The following PHACTR2 variants were observed in gnomAD, a reference collection of about 807,000 sequenced individuals.
PHACTR2 encodes phosphatase and actin regulator 2, also known as chromosome 6 open reading frame 56.
In PHACTR2, 30 loss-of-function variants were observed where a neutral mutation model predicts 76.0. The ratio of observed to expected loss-of-function variants is 0.39; its 90% CI spans 0.30 to 0.54. The LOEUF is 0.54. Ranked by LOEUF, PHACTR2 falls within the 20% of genes least tolerant of loss-of-function variation. The pLI, the probability that PHACTR2 is intolerant of heterozygous loss-of-function variation, is 0.61. For synonymous variants in PHACTR2, 292 were observed against 292.5 expected (o/e 1.00, Z 0.02); for missense variants, 696 against 781.1 (o/e 0.89, Z 1.30).
At chr6:143,651,651 A>G (rs1776766472) in intron 1 of PHACTR2, among the ~76,000 whole-genome samples, 1 of 152,066 alleles carries the variant, frequency 6.6e-6, no homozygotes, top group African/African-American at 2.4e-5. Flanking sequence ...GAACACATGG[A>G]CACATGGCAG....
At chr6:143,749,310 C>T (rs1410902276) in intron 3 of PHACTR2, among the ~76,000 whole-genome samples, 1 of 152,174 alleles carries the variant, frequency 6.6e-6, no homozygotes, top group Non-Finnish European at 1.5e-5. Context: ...TAAAACTCTG[C>T]AAAGGTACAT....
Position 143,816,642 on chromosome 6 carries a change from A to C in PHACTR2, c.1923-7032A>C, listed in dbSNP as rs969789926. ...CCTTCCAATGCAATCTAGACTGTGG[A>C]ACTCACTGTGTACTGCGATCCATGG... On this transcript the variant is annotated intron_variant, in intron 12 of 12. Transcript: ENST00000440869. The surrounding 1 kb of genome is among the most constrained non-coding windows in gnomAD (Gnocchi z 4.5). 6.6e-6 allele frequency among the ~76,000 whole-genome samples: 1 copy of C among 152,066 alleles called. No homozygotes were observed. The highest frequency in any genetic ancestry group is 6.6e-5 in the Admixed American group (1 of 15,266).
chr6:143,771,190 GTGTGTATATATATATA>G (rs1775115217), intron 6 of PHACTR2, among the ~76,000 whole-genome samples: 1 of 22,452 alleles, frequency 4.5e-5, no homozygotes, highest in Non-Finnish European at 7.0e-5. Flanking sequence ...ATATATATAT[GTGTGTATATATATATA>G]TATATATATA....
At position 143,731,909 on chromosome 6, in the gene PHACTR2, A is replaced by T. The variant is rs865955770; in HGVS notation, c.215-17076A>T. On this transcript the variant is annotated intron_variant, in intron 2 of 12. Coordinates refer to ENST00000440869, the MANE Select transcript of PHACTR2 (RefSeq NM_001100164.2). The surrounding 1 kb of genome is among the most constrained non-coding windows in gnomAD (Gnocchi z 4.9). ...CAATTTCTTTTATAGTTATAGGACC[A>T]TTCAGGTGATCTCTTTTAACTTGGG... Among the ~76,000 whole-genome samples the T allele has an allele frequency of 6.6e-6, 1 of 152,202 alleles. No homozygotes were observed.
At chr6:143,768,823 G>T (rs1183079788) in intron 6 of PHACTR2, among the ~76,000 whole-genome samples, 7 of 152,152 alleles carry the variant, frequency 4.6e-5, no homozygotes, top group Admixed American at 4.6e-4. Flanking sequence ...TGCTTTCCTA[G>T]AAGAGGCCAT....
In PHACTR2 at chr6:143,537,199, C is replaced by A; in HGVS notation, c.209C>A (p.Ser70Tyr). Residue 70 changes from serine (S) to tyrosine (Y), a missense_variant, in exon 1 of 12, where the codon TCC becomes TAC. Transcript: ENST00000367584. The surrounding 1 kb of genome is among the most constrained non-coding windows in gnomAD (Gnocchi z 4.4). ...GGCCGCCCGCTCCGGGTCCACATCTCCGGCTCAGGTAAGAGCGGCTCGGGG... is the reference window on the plus strand; with the variant it reads ...GGCCGCCCGCTCCGGGTCCACATCTACGGCTCAGGTAAGAGCGGCTCGGGG... 1 of 288,802 alleles carries A rather than the reference C, an allele frequency of 3.5e-6. No homozygotes were observed. The highest frequency in any genetic ancestry group is 6.7e-6 in the Non-Finnish European group (1 of 148,152). 17.9% of individuals were successfully genotyped at this position (288,802 alleles called of 1,614,324 possible). A position where few individuals can be genotyped will look rare whatever the true frequency, so the allele number is the denominator to read the frequency against.
intron 11 of PHACTR2, among the ~76,000 whole-genome samples, chr6:143,799,484 T>C (rs1192660316): frequency 6.6e-6 from 1 of 152,262 alleles, no homozygotes; most frequent in African/African-American, 2.4e-5. Flanking sequence ...TGTTAGGGTG[T>C]CGATTTTAGA....
At position 143,764,250 on chromosome 6, in the gene PHACTR2, C is replaced by T. The variant is rs1779503230; in HGVS notation, c.695-1011C>T. Among the ~76,000 whole-genome samples, 2 of 152,108 alleles carry T rather than the reference C, an allele frequency of 1.3e-5. No homozygotes were observed. The highest frequency in any genetic ancestry group is 2.9e-5 in the Non-Finnish European group (2 of 68,022). On this transcript the variant is annotated intron_variant, in intron 5 of 12. Transcript: ENST00000440869. The surrounding 1 kb of genome is among the most constrained non-coding windows in gnomAD (Gnocchi z 4.7). Reference sequence around the variant, plus strand: ...GACACGGTGGCTCACACCTGTAATTCTTTGGAGCCACCAAAGCCTCTCACT... The same window carrying T: ...GACACGGTGGCTCACACCTGTAATTTTTTGGAGCCACCAAAGCCTCTCACT...
Position 143,537,080 on chromosome 6 carries a change from C to A in PHACTR2, c.90C>A (p.Pro30=), listed in dbSNP as rs2128425895. 2 of 206,464 alleles carry A rather than the reference C, an allele frequency of 9.7e-6. No homozygotes were observed. Among genetic ancestry groups the A allele is most frequent in the East Asian group, 1.2e-4 (1 of 8,584 alleles). 12.8% of individuals were successfully genotyped at this position (206,464 alleles called of 1,614,324 possible). Residue 30 remains proline (P), a synonymous_variant, in exon 1 of 12, where the codon CCC becomes CCA. Coordinates refer to the PHACTR2 transcript ENST00000367584. The surrounding 1 kb of genome is among the most constrained non-coding windows in gnomAD (Gnocchi z 4.4). ...TCCCAGTCCCCGAGCCCGAGGCGCC[C>A]GCCCCGCCGGCGGCGCCTGCCCTGC...
chr6:143,707,718 ATG>A (rs1383272053), intron 1 of PHACTR2, among the ~76,000 whole-genome samples: 1 of 152,204 alleles, frequency 6.6e-6, no homozygotes, highest in Admixed American at 6.5e-5. Flanking sequence ...TTTATTTCAT[ATG>A]TATATTAGTC....
chr6:143,631,365 A>C (rs1263794292), intron 1 of PHACTR2, among the ~76,000 whole-genome samples: 2 of 151,982 alleles, frequency 1.3e-5, no homozygotes, highest in East Asian at 1.9e-4. Context: ...TAATTTAAAA[A>C]AAATTTTTTT....
intron 2 of PHACTR2, among the ~76,000 whole-genome samples, chr6:143,718,075 T>G (rs558853473): frequency 6.6e-6 from 1 of 152,338 alleles, no homozygotes; most frequent in African/African-American, 2.4e-5. Flanking sequence ...CAACTTATCT[T>G]CAATAAAATG....
At chr6:143,714,126 A>G (rs1158125320) in intron 2 of PHACTR2, among the ~76,000 whole-genome samples, 1 of 152,226 alleles carries the variant, frequency 6.6e-6, no homozygotes, top group Non-Finnish European at 1.5e-5. Flanking sequence ...TCTTTAAAAA[A>G]TTATCTCAAG....
chr6:143,731,168 A>T lies in PHACTR2; in HGVS notation c.215-17817A>T, dbSNP rs1170651842. Among the ~76,000 whole-genome samples the T allele has an allele frequency of 6.6e-6, 1 of 152,214 alleles. No individual in the cohort carries two copies. Among genetic ancestry groups the T allele is most frequent in the Non-Finnish European group, 1.5e-5 (1 of 68,046 alleles). ...TTTCTCAAACGCATTTTTCTGGATC[A>T]ATTGATATGGTCATTTCAGTTTTTT... On this transcript the variant is annotated intron_variant, in intron 2 of 12. Transcript: ENST00000440869. The surrounding 1 kb of genome is among the most constrained non-coding windows in gnomAD (Gnocchi z 4.9).
rs1776818787 is a variant in PHACTR2 at position 143,654,681 on chromosome 6, G to A, written c.13+46359G>A. 6.6e-6 allele frequency among the ~76,000 whole-genome samples: 1 copy of A among 152,218 alleles called. No individual in the cohort carries two copies. Among genetic ancestry groups the A allele is most frequent in the East Asian group, 1.9e-4 (1 of 5,174 alleles). On this transcript the variant is annotated intron_variant, in intron 1 of 11. Coordinates refer to the PHACTR2 transcript ENST00000305766. This position sits in a 1 kb window ranked among gnomAD's most constrained non-coding sequence, Gnocchi z 4.6. ...TAGCCAAGCATGGTGGTGCACGCCTGTAGTCCTAGTGACTTGGGAGGCTGA... is the reference window on the plus strand; with the variant it reads ...TAGCCAAGCATGGTGGTGCACGCCTATAGTCCTAGTGACTTGGGAGGCTGA...
In PHACTR2 at chr6:143,625,288, T is replaced by A. The variant is rs1776236385; in HGVS notation, c.13+16966T>A. Among the ~76,000 whole-genome samples the A allele has an allele frequency of 6.6e-6, 1 of 152,242 alleles. No homozygotes were observed. The highest frequency in any genetic ancestry group is 1.5e-5 in the Non-Finnish European group (1 of 68,044). On this transcript the variant is annotated intron_variant, in intron 1 of 11. Coordinates refer to the PHACTR2 transcript ENST00000305766. This position sits in a 1 kb window ranked among gnomAD's most constrained non-coding sequence, Gnocchi z 4.3. ...TTAGATAGTTTCTGTGCCAGAATTC[T>A]TATTTATTGTGAGATATATCAAATT...
intron 1 of PHACTR2, among the ~76,000 whole-genome samples, chr6:143,577,691 A>G (rs1286129687): frequency 6.6e-6 from 1 of 152,166 alleles, no homozygotes; most frequent in Non-Finnish European, 1.5e-5. Flanking sequence ...AACAGTAGAT[A>G]ACAGTTGAAA....
At position 143,592,064 on chromosome 6, in the gene PHACTR2, T is replaced by A. The variant is rs1203072771; in HGVS notation, c.217+54857T>A. ...AGACTCTGACACAATGGGACAGACC[T>A]GGTGGTGCTCTGAGGAGTGGGTGCT... On this transcript the variant is annotated intron_variant, in intron 1 of 11. Coordinates refer to the PHACTR2 transcript ENST00000367584. This position sits in a 1 kb window ranked among gnomAD's most constrained non-coding sequence, Gnocchi z 4.0. Among the ~76,000 whole-genome samples the A allele has an allele frequency of 6.6e-6, 1 of 152,182 alleles. No homozygotes were observed. Among genetic ancestry groups the A allele is most frequent in the African/African-American group, 2.4e-5 (1 of 41,438 alleles).
chr6:143,781,920 T>C (rs1014005661), intron 9 of PHACTR2, among the ~76,000 whole-genome samples: 7 of 152,252 alleles, frequency 4.6e-5, no homozygotes, highest in African/African-American at 1.7e-4. Context: ...TTCTTTCTTA[T>C]GCATTAAAGT....
Sources: allele counts gnomAD v4.1 joint callset (sites outside exome capture counted in the v4.1 genomes callset), GRCh38; gene constraint gnomAD v4.1.1; non-coding constraint Gnocchi (gnomAD v3.1); transcripts MANE v1.5; gene names NCBI Gene and HGNC (gene_info 2026-07-23, HGNC 2026-07-21).